The following ZNF697 variants were observed in gnomAD, a reference collection of about 807,000 sequenced individuals.
ZNF697 encodes zinc finger protein 697.
A neutral mutation model predicts 32.4 loss-of-function variants in ZNF697; 23 were observed. The ratio of observed to expected loss-of-function variants is 0.71; its 90% CI spans 0.51 to 1.01. The LOEUF (loss-of-function observed/expected upper bound fraction) is 1.01. Among genes scored for constraint, ZNF697 ranks in the 50% least tolerant of loss-of-function variants. The pLI, the probability that ZNF697 is intolerant of heterozygous loss-of-function variation, is 0.00. For missense variants in ZNF697, 930 were observed against 794.0 expected (o/e 1.17, Z -2.06); for synonymous variants, 418 against 337.2 (o/e 1.24, Z -2.62).
At chr1:119,642,256 A>T (rs1055422887) in intron 1 of ZNF697, among the ~76,000 whole-genome samples, 3 of 152,240 alleles carry the variant, frequency 2.0e-5, no homozygotes, top group Non-Finnish European at 4.4e-5. Flanking sequence ...GATGTCTAGG[A>T]CAGTGAAACT....
At position 119,626,083 on chromosome 1, in the gene ZNF697, A is replaced by C; in HGVS notation, c.18T>G (p.Asn6Lys). The C allele has an allele frequency of 6.2e-7, 1 of 1,613,896 alleles. No individual in the cohort carries two copies. The highest frequency in any genetic ancestry group is 8.5e-7 in the Non-Finnish European group (1 of 1,179,828). Residue 6 changes from asparagine to lysine, a missense_variant, in exon 2 of 3, where the codon AAT becomes AAG. Asn to Lys is a moderately conservative substitution (Grantham distance 94). Coordinates refer to ENST00000421812, the MANE Select transcript of ZNF697 (RefSeq NM_001080470.2). ...AGTCCTGGTGTGCACAGACACCCTGATTATCTTCTTGTTTCATCCAGGAAG... is the reference window on the plus strand; with the variant it reads ...AGTCCTGGTGTGCACAGACACCCTGCTTATCTTCTTGTTTCATCCAGGAAG... MKQEDNQGVCAHQDSE... is the reference protein window; with the variant it reads MKQEDKQGVCAHQDSE...
chr1:119,641,779 C>T (rs1414058710), intron 1 of ZNF697, among the ~76,000 whole-genome samples: 1 of 152,200 alleles, frequency 6.6e-6, no homozygotes, highest in Non-Finnish European at 1.5e-5. Flanking sequence ...TTGCTCGGCA[C>T]TTCTCTCTTC....
In ZNF697 at chr1:119,619,857, G is replaced by A. The variant is rs934679752; in HGVS notation, c.*2848C>T. On this transcript the variant is annotated 3_prime_UTR_variant, in exon 3 of 3. Transcript: ENST00000421812. The stretch of plus-strand genomic sequence containing the variant: ...TGCTTAGTAAAGGGCAGCAGAGGAA[G>A]ACTGCTCTTCATCAAATTCTCCAGG... The A allele has an allele frequency of 2.0e-5, 3 of 152,616 alleles. No homozygotes were observed. Among genetic ancestry groups the A allele is most frequent in the Non-Finnish European group, 4.4e-5 (3 of 68,040 alleles). 9.5% of individuals were successfully genotyped at this position (152,616 alleles called of 1,614,324 possible).
rs370198274 is a variant in ZNF697, at chr1:119,638,085, A to G, written c.-38+9606T>C. Reference sequence around the variant, plus strand: ...GACATTTTTCTATTCAAACTATGAAACTCATTAAAAGGGGAGACTGCCTCA... The same window carrying G: ...GACATTTTTCTATTCAAACTATGAAGCTCATTAAAAGGGGAGACTGCCTCA... On this transcript the variant is annotated intron_variant, in intron 1 of 2. Coordinates refer to ENST00000421812, the MANE Select transcript of ZNF697 (RefSeq NM_001080470.2). Among the ~76,000 whole-genome samples the G allele has an allele frequency of 1.2e-4, 19 of 152,342 alleles. No individual in the cohort carries two copies. The South Asian group carries it at 3.5e-3, about 28-fold the overall frequency.
At chr1:119,624,659 A>G (rs369209931) in intron 2 of ZNF697, among the ~76,000 whole-genome samples, 2 of 152,138 alleles carry the variant, frequency 1.3e-5, no homozygotes, top group African/African-American at 2.4e-5. Context: ...CAGTGGCGCA[A>G]TCTTGGCTCA....
chr1:119,623,281 G>C lies in ZNF697; in HGVS notation c.1062C>G (p.Ala354=), dbSNP rs1344953360. The change falls in exon 3 of 3, where the codon GCC becomes GCG. Residue 354 remains alanine (A), a synonymous_variant. Coordinates refer to ENST00000421812, the MANE Select transcript of ZNF697 (RefSeq NM_001080470.2). ...GAGAAALRPF[A]CGECGKGFVR... Reference sequence around the variant, plus strand: ...CGAAGCCCTTGCCGCACTCCCCGCAGGCGAAGGGCCGCAGCGCCGCCGCCC... The same window carrying C: ...CGAAGCCCTTGCCGCACTCCCCGCACGCGAAGGGCCGCAGCGCCGCCGCCC... The C allele has an allele frequency of 6.8e-7, 1 of 1,479,704 alleles. No individual in the cohort carries two copies. Among genetic ancestry groups the C allele is most frequent in the Non-Finnish European group, 8.9e-7 (1 of 1,118,000 alleles). 91.7% of individuals were successfully genotyped at this position (1,479,704 alleles called of 1,614,324 possible).
At chr1:119,638,642 C>T (rs1648986731) in intron 1 of ZNF697, among the ~76,000 whole-genome samples, 1 of 152,126 alleles carries the variant, frequency 6.6e-6, no homozygotes, top group Non-Finnish European at 1.5e-5. Flanking sequence ...TTTCTTCTCC[C>T]TCTCCCTCAA....
intron 2 of ZNF697, among the ~76,000 whole-genome samples, chr1:119,625,520 T>C (rs1397513116): frequency 6.6e-6 from 1 of 152,162 alleles, no homozygotes. Flanking sequence ...GCTTAGTAAC[T>C]CTATATGCAG....
chr1:119,627,907 CCCAT>C lies in ZNF697; in HGVS notation c.-37-1774_-37-1771del, dbSNP rs1381978171. On this transcript the variant is annotated intron_variant, in intron 1 of 2. Coordinates refer to ENST00000421812, the MANE Select transcript of ZNF697 (RefSeq NM_001080470.2). ...GACTACTGACCCCAAATCACTTCTGCCCATCACTCTTGCCTCTTTGGAGCTCAGA... is the reference window on the plus strand; with the variant it reads ...GACTACTGACCCCAAATCACTTCTGCCACTCTTGCCTCTTTGGAGCTCAGA... 2.0e-5 allele frequency among the ~76,000 whole-genome samples: 3 copies of C among 152,146 alleles called. No individual in the cohort carries two copies. The East Asian group carries it at 5.8e-4, about 29-fold the overall frequency.
At position 119,623,505 on chromosome 1, in the gene ZNF697, G is replaced by C; in HGVS notation, c.838C>G (p.Leu280Val). ...FSRNTYLTNH[L>V]RLHTGERPNL... Reference sequence around the variant, plus strand: ...GGCCGCTCGCCCGTGTGCAGGCGCAGGTGGTTGGTCAGGTAGGTGTTGCGG... The same window carrying C: ...GGCCGCTCGCCCGTGTGCAGGCGCACGTGGTTGGTCAGGTAGGTGTTGCGG... Residue 280 changes from leucine to valine, a missense_variant, in exon 3 of 3, where the codon CTG (leucine) becomes GTG (valine). Leu to Val is a conservative substitution (Grantham distance 32, BLOSUM62 1). Coordinates refer to ENST00000421812, the MANE Select transcript of ZNF697 (RefSeq NM_001080470.2). 1 of 1,571,434 alleles carries C rather than the reference G, an allele frequency of 6.4e-7. No homozygotes were observed. The highest frequency in any genetic ancestry group is 8.6e-7 in the Non-Finnish European group (1 of 1,160,156).
intron 1 of ZNF697, among the ~76,000 whole-genome samples, chr1:119,638,606 G>A (rs912121196): frequency 6.6e-6 from 1 of 152,090 alleles, no homozygotes. Flanking sequence ...CCTAAAATAG[G>A]TCAGCCTTCA....
At position 119,621,002 on chromosome 1, in the gene ZNF697, C is replaced by T. The variant is rs116111976; in HGVS notation, c.*1703G>A. On this transcript the variant is annotated 3_prime_UTR_variant, in exon 3 of 3. Transcript: ENST00000421812. ...TTTCCACAACTCTAACTTCTAAAGG[C>T]TAACCTAGCACAGGGATCTTCAGCA... is the stretch of plus-strand genomic sequence containing the variant. 1 of 152,178 alleles carries T rather than the reference C, an allele frequency of 6.6e-6. No homozygotes were observed. Among genetic ancestry groups the T allele is most frequent in the Non-Finnish European group, 1.5e-5 (1 of 68,034 alleles). The allele number at this position is 152,178 out of a possible 1,614,324, so 9.4% of individuals were successfully genotyped here. A position where few individuals can be genotyped will look rare whatever the true frequency, so the allele number is the denominator to read the frequency against.
At chr1:119,632,370 G>A (rs1408453082) in intron 1 of ZNF697, among the ~76,000 whole-genome samples, 1 of 152,196 alleles carries the variant, frequency 6.6e-6, no homozygotes, top group African/African-American at 2.4e-5. Context: ...ATTCCAGACA[G>A]GGACAGCCAA....
intron 2 of ZNF697, among the ~76,000 whole-genome samples, chr1:119,625,515 G>T (rs1297752572): frequency 1.3e-5 from 2 of 152,218 alleles, no homozygotes; most frequent in African/African-American, 4.8e-5. Context: ...ACTGTGCTTA[G>T]TAACTCTATA....
At chr1:119,626,611 T>TTGCAAGTATTTTGGTTATCG (rs1553228845) in intron 1 of ZNF697, among the ~76,000 whole-genome samples, 1 of 152,228 alleles carries the variant, frequency 6.6e-6, no homozygotes, top group Admixed American at 6.5e-5. Context: ...CACAGCAACC[T>TTGCAAGTATTTTGGTTATCG]TGCAAGTATT....
At chr1:119,624,634 G>A (rs1396411512) in intron 2 of ZNF697, among the ~76,000 whole-genome samples, 7 of 152,092 alleles carry the variant, frequency 4.6e-5, no homozygotes, top group East Asian at 1.9e-4. Flanking sequence ...TTGCTCTGTC[G>A]TCCAGGCTGG....
intron 1 of ZNF697, among the ~76,000 whole-genome samples, chr1:119,637,442 A>G (rs1028528869): frequency 6.6e-6 from 1 of 152,248 alleles, no homozygotes; most frequent in African/African-American, 2.4e-5. Flanking sequence ...ATGTATCCAC[A>G]GATAATGAGC....
chr1:119,637,430 G>C (rs1648953532), intron 1 of ZNF697, among the ~76,000 whole-genome samples: 1 of 152,216 alleles, frequency 6.6e-6, no homozygotes, highest in Admixed American at 6.5e-5. Flanking sequence ...TTGCTGTAGA[G>C]AATGTATCCA....
chr1:119,640,468 C>T (rs1392062334), intron 1 of ZNF697, among the ~76,000 whole-genome samples: 1 of 152,184 alleles, frequency 6.6e-6, no homozygotes, highest in Non-Finnish European at 1.5e-5. Context: ...TGGCAATTAG[C>T]CTCAAAAGTT....
Sources: allele counts gnomAD v4.1 joint callset (sites outside exome capture counted in the v4.1 genomes callset), GRCh38; gene constraint gnomAD v4.1.1; transcripts MANE v1.5; gene names NCBI Gene and HGNC (gene_info 2026-07-23, HGNC 2026-07-21).